Variants in COG3 observed in about 807,000 individuals in gnomAD.
COG3 encodes the protein component of oligomeric golgi complex 3.
In COG3, 32 loss-of-function variants were observed where a neutral mutation model predicts 114.1. The ratio of observed to expected loss-of-function variants is 0.28; its 90% CI spans 0.21 to 0.38. COG3 has a LOEUF of 0.38. Among genes scored for constraint, COG3 ranks in the 10% least tolerant of loss-of-function variants. COG3 has a pLI of 1.00. For missense variants in COG3, 813 were observed against 973.2 expected, an observed-to-expected ratio of 0.84 and a Z score of 2.19; for synonymous variants, 352 against 365.7, an observed-to-expected ratio of 0.96 and a Z score of 0.43.
At chr13:45,469,906 G>A (rs1341490734) in intron 1 of COG3, among the ~76,000 whole-genome samples, 10 of 152,054 alleles carry the variant, frequency 6.6e-5, no homozygotes, top group Non-Finnish European at 1.3e-4. Context: ...TACTTTTACA[G>A]TTCTTCATTT....
At chr13:45,516,348 C>A in intron 17 of COG3, 85 bp downstream of exon 17, 1 of 1,194,680 alleles carries the variant, frequency 8.4e-7, no homozygotes, top group Non-Finnish European at 1.1e-6. Context: ...ATTTTATGTT[C>A]ATCTGCAATT....
At chr13:45,482,280 G>A (rs1044020764) in intron 5 of COG3, 101 bp from the exon 6 acceptor site, 2 of 560,556 alleles carry the variant, frequency 3.6e-6, no homozygotes, top group Non-Finnish European at 6.2e-6. Context: ...ATAAAGACAT[G>A]TTATGTCCTA....
At chr13:45,500,598 G>T (rs773364615) in intron 13 of COG3, among the ~76,000 whole-genome samples, 3 of 152,176 alleles carry the variant, frequency 2.0e-5, no homozygotes, top group Non-Finnish European at 4.4e-5. Context: ...AATTGAGAAG[G>T]TGGTACAGAG....
At chr13:45,495,445 A>C (rs990328610) in intron 12 of COG3, among the ~76,000 whole-genome samples, 5 of 151,632 alleles carry the variant, frequency 3.3e-5, no homozygotes, top group Non-Finnish European at 7.4e-5. Flanking sequence ...TGGCATGATC[A>C]CAGCTCACTG....
intron 1 of COG3, among the ~76,000 whole-genome samples, chr13:45,472,834 C>G (rs987718672): frequency 6.6e-6 from 1 of 152,300 alleles, no homozygotes; most frequent in Middle Eastern, 3.4e-3. Flanking sequence ...TCATCTGAGT[C>G]TGGCTCTGTT....
At position 45,530,582 on chromosome 13, in the gene COG3, G is replaced by A. The variant is rs543109356; in HGVS notation, c.2359-100G>A. 136 of 740,378 alleles carry A rather than the reference G, an allele frequency of 1.8e-4. 1 individual carries two copies. The highest frequency in any genetic ancestry group is 1.1e-3 in the Admixed American group (58 of 53,154). 45.9% of individuals were successfully genotyped at this position (740,378 alleles called of 1,614,324 possible). On this transcript the variant is annotated intron_variant, in intron 21 of 22. Coordinates refer to ENST00000349995, the MANE Select transcript of COG3 (RefSeq NM_031431.4). ...TTGGTAATATCATGAAAGATACATCGCTTCCACTCGCTTTGGCAAATATCA... is the reference window on the plus strand; with the variant it reads ...TTGGTAATATCATGAAAGATACATCACTTCCACTCGCTTTGGCAAATATCA...
At chr13:45,475,386 A>C (rs1240263287) in intron 1 of COG3, among the ~76,000 whole-genome samples, 1 of 151,478 alleles carries the variant, frequency 6.6e-6, no homozygotes, top group Non-Finnish European at 1.5e-5. Flanking sequence ...TATTTTCAGT[A>C]GAGACGGGGG....
At chr13:45,493,225 T>G in intron 11 of COG3, 122 bp from the exon 12 acceptor site, 1 of 727,190 alleles carries the variant, frequency 1.4e-6, no homozygotes, top group Admixed American at 2.5e-5. Context: ...TGTCCTCAGA[T>G]ACTATTTTCC....
At chr13:45,513,520 A>ATAAATTATATATATAATATATACATG (rs1566266287) in intron 16 of COG3, among the ~76,000 whole-genome samples, 2 of 138,978 alleles carry the variant, frequency 1.4e-5, no homozygotes, top group African/African-American at 5.4e-5. Context: ...ATATATACAT[A>ATAAATTATATATATAATATATACATG]TAAATTATAT....
Position 45,516,124 on chromosome 13 carries a change from T to G in COG3, c.1810-19T>G. ...GATTTAATATGTGATCATATCCATT[T>G]TTCTGTCTTATAATTTAGACTCAGA... On this transcript the variant is annotated intron_variant, in intron 16 of 22. Transcript: ENST00000349995. 6.6e-7 allele frequency: 1 copy of G among 1,521,324 alleles called. No homozygotes were observed. The highest frequency in any genetic ancestry group is 1.3e-5 in the South Asian group (1 of 78,636). The allele number at this position is 1,521,324 out of a possible 1,614,324, so 94.2% of individuals were successfully genotyped here. A position where few individuals can be genotyped will look rare whatever the true frequency, so the allele number is the denominator to read the frequency against.
At position 45,518,799 on chromosome 13, in the gene COG3, A is replaced by C; in HGVS notation, c.1968A>C (p.Pro656=). Residue 656 remains proline (P), a synonymous_variant, in exon 18 of 23, where the codon CCA becomes CCC. Coordinates refer to ENST00000349995, the MANE Select transcript of COG3 (RefSeq NM_031431.4). ...AAATCCTGAACCCTATGACTGTCCCAAGATTTTTTAGGCTGAATAGCAACA... is the reference window on the plus strand; with the variant it reads ...AAATCCTGAACCCTATGACTGTCCCCAGATTTTTTAGGCTGAATAGCAACA... The part of the protein sequence containing the change: ...AFKILNPMTV[P]RFFRLNSNNA... The C allele has an allele frequency of 6.2e-7, 1 of 1,614,068 alleles. No individual in the cohort carries two copies. Among genetic ancestry groups the C allele is most frequent in the South Asian group, 1.1e-5 (1 of 91,058 alleles).
At chr13:45,531,506 TTTTG>T (rs1418676686) in intron 22 of COG3, among the ~76,000 whole-genome samples, 1 of 149,788 alleles carries the variant, frequency 6.7e-6, no homozygotes, top group South Asian at 2.1e-4. Flanking sequence ...AATCTTGTGT[TTTTG>T]TTTTGTTTTG....
intron 8 of COG3, among the ~76,000 whole-genome samples, chr13:45,489,299 A>AT (rs200923879): frequency 2.1e-4 from 29 of 139,182 alleles, no homozygotes; most frequent in East Asian, 6.7e-4. Context: ...GTTTAAAGGA[A>AT]TTTTTTTTTT....
chr13:45,521,806 T>C, intron 19 of COG3, among the ~76,000 whole-genome samples: 1 of 15,086 alleles, frequency 6.6e-5, no homozygotes, highest in Non-Finnish European at 3.8e-4. Flanking sequence ...AGTTAGCTTT[T>C]TTTTTTTTTT....
In COG3 at chr13:45,483,323, C is replaced by T. The variant is rs1886369078; in HGVS notation, c.811C>T (p.Leu271=). Residue 271 remains leucine (L), a synonymous_variant, in exon 7 of 23, where the codon CTA becomes TTA. Coordinates refer to ENST00000349995, the MANE Select transcript of COG3 (RefSeq NM_031431.4). ...HLMKTYTVNT[L]QTLTSQLLKR... is the part of the protein sequence containing the mutation. Reference sequence around the variant, plus strand: ...CATGAAGACATATACTGTGAACACACTACAGACCCTCACAAGTCAGTTACT... The same window carrying T: ...CATGAAGACATATACTGTGAACACATTACAGACCCTCACAAGTCAGTTACT... The T allele has an allele frequency of 3.8e-6, 6 of 1,595,812 alleles. No homozygotes were observed. The highest frequency in any genetic ancestry group is 1.7e-5 in the Admixed American group (1 of 57,582).
chr13:45,504,351 A>G (rs1008046645), intron 14 of COG3, among the ~76,000 whole-genome samples: 6 of 152,226 alleles, frequency 3.9e-5, no homozygotes, highest in African/African-American at 2.4e-5. Flanking sequence ...CTCCTCTGCA[A>G]TAGAACCCAT....
chr13:45,497,784 TCAACAACAACAA>T (rs1242517110), intron 13 of COG3, among the ~76,000 whole-genome samples: 4 of 147,138 alleles, frequency 2.7e-5, no homozygotes, highest in South Asian at 2.2e-4. Context: ...AGACCCTGTC[TCAACAACAACAA>T]CAACAACAAC....
At chr13:45,504,447 C>T (rs925441203) in intron 14 of COG3, among the ~76,000 whole-genome samples, 3 of 152,158 alleles carry the variant, frequency 2.0e-5, no homozygotes, top group Non-Finnish European at 2.9e-5. Context: ...TTGCCAACCC[C>T]GGACTTGTGC....
chr13:45,482,937 T>C (rs1289924575), intron 6 of COG3, among the ~76,000 whole-genome samples: 2 of 152,220 alleles, frequency 1.3e-5, no homozygotes, highest in East Asian at 3.8e-4. Flanking sequence ...ACTCCTATTC[T>C]TTTCCTAGTT....
Sources: gnomAD v4.1 joint callset for allele counts (sites outside exome capture counted in the v4.1 genomes callset) on GRCh38, gnomAD v4.1.1 for gene constraint, MANE v1.5 for transcripts, NCBI Gene and HGNC (gene_info 2026-07-23, HGNC 2026-07-21) for gene names.